RGS7: variants seen among roughly 807,000 people sequenced by gnomAD.
RGS7 encodes regulator of G protein signaling 7.
In RGS7, 27 loss-of-function variants were observed where a neutral mutation model predicts 81.1. That is an observed-to-expected ratio of 0.33 (90% confidence interval 0.25 to 0.46). The LOEUF (loss-of-function observed/expected upper bound fraction) is 0.46. RGS7 is among the 20% of genes least tolerant of loss of function. RGS7 has a pLI of 1.00. For synonymous variants in RGS7, 208 were observed against 207.7 expected, an observed-to-expected ratio of 1.00 and a Z score of -0.01; for missense variants, 396 against 607.4, an observed-to-expected ratio of 0.65 and a Z score of 3.66.
chr1:240,983,935 A>T (rs556661327), intron 3 of RGS7, among the ~76,000 whole-genome samples: 1 of 152,324 alleles, frequency 6.6e-6, no homozygotes, highest in Non-Finnish European at 1.5e-5. Context: ...GAGACAAGAG[A>T]GGTCTGCAGA....
At chr1:240,979,399 A>G (rs543944352) in intron 4 of RGS7, among the ~76,000 whole-genome samples, 2 of 152,366 alleles carry the variant, frequency 1.3e-5, no homozygotes, top group East Asian at 1.9e-4. Flanking sequence ...TGCAAAGTCT[A>G]TATTTTAAAA....
chr1:240,809,899 T>C (rs532619691), intron 14 of RGS7, among the ~76,000 whole-genome samples: 5 of 152,270 alleles, frequency 3.3e-5, no homozygotes, highest in African/African-American at 1.2e-4. Flanking sequence ...ATATATAAGA[T>C]AATCTAATAT....
chr1:241,335,240 A>G (rs2082177349), intron 2 of RGS7, among the ~76,000 whole-genome samples: 1 of 152,224 alleles, frequency 6.6e-6, no homozygotes, highest in African/African-American at 2.4e-5. Context: ...TTTCACACAC[A>G]GAGATACATG....
chr1:241,308,605 C>T (rs1250946176), intron 2 of RGS7, among the ~76,000 whole-genome samples: 6 of 152,120 alleles, frequency 3.9e-5, no homozygotes, highest in Non-Finnish European at 5.9e-5. Flanking sequence ...GAGTGTTCTT[C>T]GCAGTTTCTG....
chr1:240,842,199 A>ATTT lies in RGS7; in HGVS notation c.610-15030_610-15028dup, dbSNP rs568381066. 9.2e-3 allele frequency among the ~76,000 whole-genome samples: 721 copies of ATTT among 78,708 alleles called. 121 individuals are homozygous for ATTT. Among genetic ancestry groups the ATTT allele is most frequent in the African/African-American group, 0.03 (650 of 21,350 alleles). The allele number at this position is 78,708 out of a possible 152,430, so 51.6% of individuals were successfully genotyped here. A position where few individuals can be genotyped will look rare whatever the true frequency, so the allele number is the denominator to read the frequency against. ...TGATTTCAGATTATGTTTGTCAGGA[A>ATTT]TTTTTTTTTTTTTTTTTGAGACAGA... On this transcript the variant is annotated intron_variant, in intron 9 of 18. Transcript: ENST00000440928.
At chr1:241,049,370 T>A (rs2061128821) in intron 3 of RGS7, among the ~76,000 whole-genome samples, 1 of 152,234 alleles carries the variant, frequency 6.6e-6, no homozygotes, top group Non-Finnish European at 1.5e-5. Flanking sequence ...CATAGATGCA[T>A]TAGACACACA....
At chr1:241,134,955 T>C (rs34559272) in intron 2 of RGS7, among the ~76,000 whole-genome samples, 40,578 of 150,730 alleles carry the variant, frequency 0.27, 5,958 homozygotes, top group African/African-American at 0.41. Context: ...ACACCTACCC[T>C]GGCCGGAAGA....
chr1:240,959,364 C>T (rs545034494), intron 4 of RGS7, among the ~76,000 whole-genome samples: 4 of 152,304 alleles, frequency 2.6e-5, no homozygotes, highest in East Asian at 3.9e-4. Context: ...GCCTACTACA[C>T]ACCTAGACTA....
At chr1:240,784,018 A>AAG (rs1415669857) in intron 18 of RGS7, among the ~76,000 whole-genome samples, 1 of 148,292 alleles carries the variant, frequency 6.7e-6, no homozygotes, top group Admixed American at 6.7e-5. Context: ...TCTACTAAAA[A>AAG]AAAAAAAAAA....
intron 2 of RGS7, among the ~76,000 whole-genome samples, chr1:241,153,850 G>C (rs564999043): frequency 7.9e-5 from 12 of 152,332 alleles, no homozygotes; most frequent in Admixed American, 7.2e-4. Flanking sequence ...GAGATGGGAA[G>C]GAAGGAAGAA....
chr1:241,326,495 G>A (rs1258510839), intron 2 of RGS7, among the ~76,000 whole-genome samples: 1 of 152,040 alleles, frequency 6.6e-6, no homozygotes, highest in Admixed American at 6.6e-5. Context: ...TTTATTGTCT[G>A]TACTTCACCT....
At chr1:241,076,498 C>T (rs1032702870) in intron 3 of RGS7, among the ~76,000 whole-genome samples, 1 of 152,184 alleles carries the variant, frequency 6.6e-6, no homozygotes, top group Non-Finnish European at 1.5e-5. Flanking sequence ...GCTAGATATA[C>T]AACATTCTCA....
chr1:240,959,304 A>T (rs1680958728), intron 4 of RGS7, among the ~76,000 whole-genome samples: 1 of 152,164 alleles, frequency 6.6e-6, no homozygotes, highest in Non-Finnish European at 1.5e-5. Context: ...CGGTGATTTC[A>T]TCATTGTGCG....
chr1:241,140,453 G>T (rs147002378), intron 2 of RGS7, among the ~76,000 whole-genome samples: 5 of 152,264 alleles, frequency 3.3e-5, no homozygotes, highest in African/African-American at 1.2e-4. Context: ...AAATAGAATA[G>T]AGATAGCATC....
chr1:241,291,885 C>A (rs1407575175), intron 2 of RGS7, among the ~76,000 whole-genome samples: 1 of 152,152 alleles, frequency 6.6e-6, no homozygotes, highest in Non-Finnish European at 1.5e-5. Flanking sequence ...GAATTCCCAA[C>A]ATTTTAACCA....
At chr1:241,200,145 T>C (rs1046167946) in intron 2 of RGS7, among the ~76,000 whole-genome samples, 3 of 152,124 alleles carry the variant, frequency 2.0e-5, no homozygotes, top group African/African-American at 7.2e-5. Context: ...TGAAAATAAA[T>C]TATACCCCAA....
At chr1:241,084,953 A>C (rs2063345611) in intron 3 of RGS7, among the ~76,000 whole-genome samples, 1 of 152,264 alleles carries the variant, frequency 6.6e-6, no homozygotes, top group East Asian at 1.9e-4. Flanking sequence ...ATCTTCAAAC[A>C]CATTCAGTGA....
chr1:241,318,333 C>A (rs182557140), intron 2 of RGS7, among the ~76,000 whole-genome samples: 1 of 152,118 alleles, frequency 6.6e-6, no homozygotes, highest in Non-Finnish European at 1.5e-5. Context: ...ACGTAGATGA[C>A]ATCAAAGAGC....
intron 3 of RGS7, among the ~76,000 whole-genome samples, chr1:241,072,381 T>C (rs374411300): frequency 2.6e-5 from 4 of 152,294 alleles, no homozygotes; most frequent in Admixed American, 2.0e-4. Flanking sequence ...TATCCACGGC[T>C]GTCGCAGGCC....
Sources: allele counts gnomAD v4.1 joint callset (sites outside exome capture counted in the v4.1 genomes callset), GRCh38; gene constraint gnomAD v4.1.1; transcripts MANE v1.5; gene names NCBI Gene and HGNC (gene_info 2026-07-23, HGNC 2026-07-21).